Variants in ZNF486 observed in about 807,000 individuals in gnomAD.
The protein encoded by ZNF486 is KRAB box only protein 2.
A neutral mutation model predicts 12.8 loss-of-function variants in ZNF486; 12 were observed. The observed-to-expected ratio is 0.94, with a 90% CI of 0.60 to 1.52. The LOEUF is 1.52. Ranked by LOEUF, ZNF486 falls within the 40% of genes most tolerant of loss-of-function variation. The pLI is 0.00. For missense variants in ZNF486, 738 were observed against 545.0 expected, an observed-to-expected ratio of 1.35 and a Z score of -3.53; for synonymous variants, 231 against 184.9, an observed-to-expected ratio of 1.25 and a Z score of -2.02.
At chr19:20,175,540 A>T (rs1366109120) in intron 1 of ZNF486, among the ~76,000 whole-genome samples, 1 of 151,160 alleles carries the variant, frequency 6.6e-6, no homozygotes, top group African/African-American at 2.4e-5. Flanking sequence ...ACTCTTAATG[A>T]GCATGCTGCC....
rs547861495 is a variant in ZNF486, at chr19:20,177,758, T to C, written c.31-6598T>C. On this transcript the variant is annotated intron_variant, in intron 1 of 3. Coordinates refer to ENST00000335117, the MANE Select transcript of ZNF486 (RefSeq NM_052852.4). The stretch of plus-strand genomic sequence containing the variant: ...CCTGGTTAATTTTTGTATTTTTTAG[T>C]AGAGAGGGGGTTTGTCAGTGTTGGC... 2.0e-5 allele frequency among the ~76,000 whole-genome samples: 3 copies of C among 152,168 alleles called. No individual in the cohort carries two copies. The South Asian group carries it at 6.3e-4, about 32-fold the overall frequency.
Position 20,178,237 on chromosome 19 carries a change from GTTC to G in ZNF486, c.31-6114_31-6112del, listed in dbSNP as rs568581116. 1.3e-3 allele frequency among the ~76,000 whole-genome samples: 192 copies of G among 151,564 alleles called. 1 individual carries two copies. Among genetic ancestry groups the G allele is most frequent in the African/African-American group, 4.6e-3 (189 of 41,256 alleles). ...GCCACCATGTCCAGCGAAGAAAATT[GTTC>G]TTCTCTTTTTTTTCTTTTTGAGACA... On this transcript the variant is annotated intron_variant, in intron 1 of 3. Coordinates refer to ENST00000335117, the MANE Select transcript of ZNF486 (RefSeq NM_052852.4).
intron 1 of ZNF486, among the ~76,000 whole-genome samples, chr19:20,174,664 C>T (rs1322160711): frequency 6.6e-6 from 1 of 152,148 alleles, no homozygotes; most frequent in Non-Finnish European, 1.5e-5. Flanking sequence ...GCTAAGATTA[C>T]AGGTGTGAGC....
At chr19:20,181,538 A>AAAAAC (rs782394376) in intron 1 of ZNF486, among the ~76,000 whole-genome samples, 8,247 of 136,140 alleles carry the variant, frequency 0.061, 289 homozygotes, top group African/African-American at 0.13. Flanking sequence ...CTCCATCTCA[A>AAAAAC]AAAACAAAAA....
At chr19:20,186,647 CTT>C (rs2089849955) in intron 3 of ZNF486, among the ~76,000 whole-genome samples, 1 of 151,980 alleles carries the variant, frequency 6.6e-6, no homozygotes, top group Non-Finnish European at 1.5e-5. Flanking sequence ...TATCACGTAA[CTT>C]TTAGAAATGT....
chr19:20,192,774 A>G (rs2089914934), intron 3 of ZNF486, among the ~76,000 whole-genome samples: 1 of 152,138 alleles, frequency 6.6e-6, no homozygotes, highest in Non-Finnish European at 1.5e-5. Flanking sequence ...TATTTTTTGT[A>G]GAGACAGAGT....
intron 3 of ZNF486, among the ~76,000 whole-genome samples, chr19:20,191,631 A>G (rs112659045): frequency 0.071 from 9,218 of 130,196 alleles, 348 homozygotes; most frequent in African/African-American, 0.13. Context: ...TTAGCCGGGC[A>G]TGGTGGTGGG....
intron 1 of ZNF486, among the ~76,000 whole-genome samples, chr19:20,180,853 A>C (rs1555715435): frequency 6.6e-6 from 1 of 152,112 alleles, no homozygotes; most frequent in South Asian, 2.1e-4. Flanking sequence ...TTACCTTCTA[A>C]AGTGTACATA....
At chr19:20,196,135 C>T (rs1568327619) in intron 3 of ZNF486, among the ~76,000 whole-genome samples, 1 of 152,178 alleles carries the variant, frequency 6.6e-6, no homozygotes, top group Non-Finnish European at 1.5e-5. Context: ...TCTCCTGCCT[C>T]AGCATCCCAA....
At chr19:20,192,227 T>A (rs1248919319) in intron 3 of ZNF486, among the ~76,000 whole-genome samples, 1 of 152,212 alleles carries the variant, frequency 6.6e-6, no homozygotes, top group Non-Finnish European at 1.5e-5. Context: ...AATGCTACAA[T>A]GAGTCTCTTG....
At chr19:20,168,654 CAAAA>C (rs782582640) in intron 1 of ZNF486, among the ~76,000 whole-genome samples, 88 of 116,024 alleles carry the variant, frequency 7.6e-4, no homozygotes, top group Middle Eastern at 9.4e-3. Flanking sequence ...AACTCCGTCT[CAAAA>C]AAAAAAAAAA....
intron 1 of ZNF486, among the ~76,000 whole-genome samples, chr19:20,181,128 C>A (rs1329461288): frequency 6.6e-6 from 1 of 152,088 alleles, no homozygotes; most frequent in Non-Finnish European, 1.5e-5. Flanking sequence ...TAGGTCTGAC[C>A]CTACCCTGGA....
At chr19:20,194,155 G>A (rs1313189024) in intron 3 of ZNF486, among the ~76,000 whole-genome samples, 1 of 151,970 alleles carries the variant, frequency 6.6e-6, no homozygotes, top group East Asian at 1.9e-4. Flanking sequence ...TTGTGTATGT[G>A]GATATCTTTT....
chr19:20,195,197 G>A (rs2122683606), intron 3 of ZNF486, among the ~76,000 whole-genome samples: 1 of 152,198 alleles, frequency 6.6e-6, no homozygotes, highest in African/African-American at 2.4e-5. Context: ...TTGAGACAGT[G>A]TTGCTCTGTT....
intron 1 of ZNF486, among the ~76,000 whole-genome samples, 181 bp from the exon 2 acceptor site, chr19:20,184,175 C>CT (rs557941667): frequency 2.0e-5 from 3 of 151,836 alleles, no homozygotes; most frequent in Admixed American, 6.6e-5. Flanking sequence ...TTAGGCTGCT[C>CT]TTTTTTTTCA....
chr19:20,192,398 C>A (rs372331965), intron 3 of ZNF486, among the ~76,000 whole-genome samples: 206 of 152,026 alleles, frequency 1.4e-3, no homozygotes, highest in Middle Eastern at 6.8e-3. Context: ...CTCTGCCTCC[C>A]AAGTTCAAGT....
intron 1 of ZNF486, among the ~76,000 whole-genome samples, chr19:20,180,776 G>T (rs1382363285): frequency 6.6e-6 from 1 of 152,036 alleles, no homozygotes; most frequent in Non-Finnish European, 1.5e-5. Context: ...CACCCACCTT[G>T]GCCTCACAAA....
intron 1 of ZNF486, among the ~76,000 whole-genome samples, chr19:20,167,714 G>C (rs1377864370): frequency 1.3e-5 from 2 of 152,132 alleles, no homozygotes; most frequent in East Asian, 3.9e-4. Flanking sequence ...AAGAGCTTTG[G>C]TCCGTGGGGT....
At chr19:20,180,075 C>T (rs553744355) in intron 1 of ZNF486, among the ~76,000 whole-genome samples, 3 of 152,266 alleles carry the variant, frequency 2.0e-5, no homozygotes, top group African/African-American at 7.2e-5. Flanking sequence ...TATCATTGGG[C>T]CAACAGCCCT....
Sources: allele counts gnomAD v4.1 joint callset (sites outside exome capture counted in the v4.1 genomes callset), GRCh38; gene constraint gnomAD v4.1.1; transcripts MANE v1.5; gene names NCBI Gene and HGNC (gene_info 2026-07-23, HGNC 2026-07-21).